Variants in ATP5PD observed in about 807,000 individuals in gnomAD.
ATP5PD encodes ATP synthase peripheral stalk subunit d, mitochondrial.
In ATP5PD, 13 loss-of-function variants were observed where a neutral mutation model predicts 22.6. That is an observed-to-expected ratio of 0.58 (90% CI 0.37 to 0.91). The LOEUF (loss-of-function observed/expected upper bound fraction) is 0.91, where lower values mean the gene tolerates loss of function less well. Among genes scored for constraint, ATP5PD ranks in the 40% least tolerant of loss-of-function variants. The pLI is 0.00. For missense variants in ATP5PD, 165 were observed against 188.0 expected, an observed-to-expected ratio of 0.88 and a Z score of 0.72; for synonymous variants, 51 against 65.0, an observed-to-expected ratio of 0.79 and a Z score of 1.03.
chr17:75,044,429 T>A (rs1487978026), intron 1 of ATP5PD, among the ~76,000 whole-genome samples: 2 of 112,426 alleles, frequency 1.8e-5, no homozygotes. Flanking sequence ...ATGGTCTCGA[T>A]CTCCTGACCT....
intron 4 of ATP5PD, chr17:75,039,879 G>C: frequency 1.7e-6 from 1 of 583,968 alleles, no homozygotes; most frequent in Non-Finnish European, 3.0e-6. Context: ...TACAAAGATG[G>C]AATCATATGC....
intron 3 of ATP5PD, 119 bp downstream of exon 3, chr17:75,042,062 A>T: frequency 1.2e-6 from 1 of 858,468 alleles, no homozygotes; most frequent in South Asian, 1.8e-5. Flanking sequence ...GGCCATACGC[A>T]TCCTTCCTAA....
intron 1 of ATP5PD, among the ~76,000 whole-genome samples, chr17:75,043,223 A>G (rs2073178853): frequency 6.6e-6 from 1 of 152,236 alleles, no homozygotes; most frequent in African/African-American, 2.4e-5. Flanking sequence ...TCCGTCTCAA[A>G]AAGAAAAGGA....
intron 1 of ATP5PD, among the ~76,000 whole-genome samples, chr17:75,043,415 C>T (rs1438039851): frequency 6.6e-6 from 1 of 152,106 alleles, no homozygotes; most frequent in African/African-American, 2.4e-5. Context: ...AGTTCAAGAC[C>T]AGCCTGAGCA....
At chr17:75,043,756 A>G (rs1451231310) in intron 1 of ATP5PD, among the ~76,000 whole-genome samples, 4 of 152,220 alleles carry the variant, frequency 2.6e-5, no homozygotes, top group African/African-American at 9.6e-5. Flanking sequence ...ATTCTCCAGT[A>G]GACAGAAACT....
intron 5 of ATP5PD, 42 bp downstream of exon 5, chr17:75,039,167 A>C (rs763518477): frequency 3.7e-6 from 6 of 1,612,972 alleles, no homozygotes; most frequent in Non-Finnish European, 4.2e-6. Flanking sequence ...GTCATGAAAG[A>C]GAGAACCCAT....
In ATP5PD at chr17:75,042,510, C is replaced by A. The variant is rs745666457; in HGVS notation, c.122+19G>T. 1 of 1,600,342 alleles carries A rather than the reference C, an allele frequency of 6.2e-7. No individual in the cohort carries two copies. The highest frequency in any genetic ancestry group is 8.5e-7 in the Non-Finnish European group (1 of 1,176,808). ...GATTCAGTGGCAAGTATGGGGTTCC[C>A]TCTCAGAAACATACTGACCTGGAGG... On this transcript the variant is annotated intron_variant, in intron 2 of 5. Transcript: ENST00000301587.
chr17:75,039,406 G>T, intron 4 of ATP5PD, 135 bp from the exon 5 acceptor site: 1 of 735,308 alleles, frequency 1.4e-6, no homozygotes, highest in South Asian at 1.7e-5. Context: ...CCTGAGTGGG[G>T]GCGCTCACTC....
At position 75,044,638 on chromosome 17, in the gene ATP5PD, G is replaced by A. The variant is rs115201385; in HGVS notation, c.-9-1979C>T. Among the ~76,000 whole-genome samples the A allele has an allele frequency of 8.7e-3, 1,323 of 152,230 alleles. 16 individuals carry two copies. Among genetic ancestry groups the A allele is most frequent in the African/African-American group, 0.029 (1,196 of 41,504 alleles). On this transcript the variant is annotated intron_variant, in intron 1 of 5. Transcript: ENST00000301587. ...ATTACAGGCATGAGCCACCGCGCCCGGCCTGCATTTTAAGAGGTATTCAAC... is the reference window on the plus strand; with the variant it reads ...ATTACAGGCATGAGCCACCGCGCCCAGCCTGCATTTTAAGAGGTATTCAAC...
intron 3 of ATP5PD, chr17:75,041,443 C>G (rs111793371): frequency 0.08 from 10,251 of 127,538 alleles, 732 homozygotes; most frequent in African/African-American, 0.23. Flanking sequence ...AAACCTGTCT[C>G]TACCAAAAAA....
At position 75,039,032 on chromosome 17, in the gene ATP5PD, T is replaced by G. The variant is rs762606856; in HGVS notation, c.386A>C (p.Asp129Ala). The change falls in exon 6 of 6, where the codon GAT becomes GCT. Residue 129 changes from aspartate (D) to alanine (A), a missense_variant. By Grantham distance (126) the Asp-to-Ala change is moderately radical. Coordinates refer to ENST00000301587, the MANE Select transcript of ATP5PD (RefSeq NM_006356.3). ...ATTCAAGTCCTCAATGGTCATCTGA[T>G]CAAATGGAATTAAGTTCTTCATCTT... ...MEKMKNLIPF[D>A]QMTIEDLNEA... 3 of 1,614,148 alleles carry G rather than the reference T, an allele frequency of 1.9e-6. No individual in the cohort carries two copies. Among genetic ancestry groups the G allele is most frequent in the East Asian group, 4.5e-5 (2 of 44,894 alleles).
At chr17:75,041,516 A>C (rs1463306444) in intron 3 of ATP5PD, 1 of 151,350 alleles carries the variant, frequency 6.6e-6, no homozygotes, top group Non-Finnish European at 1.5e-5. Flanking sequence ...AGTCCCAGCT[A>C]CTCAGGAGGC....
chr17:75,042,784 T>C, intron 1 of ATP5PD, 125 bp from the exon 2 acceptor site: 1 of 1,013,642 alleles, frequency 9.9e-7, no homozygotes, highest in East Asian at 2.5e-5. Context: ...CATGCAAGTC[T>C]TCACAAGAAT....
chr17:75,045,454 G>C (rs1598692360), intron 1 of ATP5PD, among the ~76,000 whole-genome samples: 1 of 152,192 alleles, frequency 6.6e-6, no homozygotes, highest in Non-Finnish European at 1.5e-5. Context: ...TGGGAGACTG[G>C]AGTTTATTTC....
chr17:75,045,035 C>T (rs146343520), intron 1 of ATP5PD, among the ~76,000 whole-genome samples: 2,032 of 152,218 alleles, frequency 0.013, 19 homozygotes, highest in Non-Finnish European at 0.022. Flanking sequence ...CACATAGGTT[C>T]TTTTCTATTT....
chr17:75,039,625 T>C (rs1014102544), intron 4 of ATP5PD: 10 of 301,910 alleles, frequency 3.3e-5, no homozygotes, highest in Non-Finnish European at 5.5e-5. Flanking sequence ...CTGAGTTCCA[T>C]AGTTGGCCTT....
At chr17:75,040,468 A>G in intron 3 of ATP5PD, 1 of 392,094 alleles carries the variant, frequency 2.6e-6, no homozygotes, top group Non-Finnish European at 4.6e-6. Flanking sequence ...GCTGGACTTG[A>G]TGACCAAAAA....
Position 75,039,074 on chromosome 17 carries a change from G to A in ATP5PD, c.355-11C>T, listed in dbSNP as rs1567986522. 1 of 1,613,810 alleles carries A rather than the reference G, an allele frequency of 6.2e-7. No individual in the cohort carries two copies. The highest frequency in any genetic ancestry group is 8.5e-7 in the Non-Finnish European group (1 of 1,179,920). The stretch of plus-strand genomic sequence containing the variant: ...CTTCATCTTCTCCATCTGGAAAGAG[G>A]GGGAATGTGTTTAGTTAATGTAAAC... On this transcript the variant is annotated splice_polypyrimidine_tract_variant and intron_variant, in intron 5 of 5. Coordinates refer to ENST00000301587, the MANE Select transcript of ATP5PD (RefSeq NM_006356.3).
At chr17:75,042,712 T>C (rs1349281509) in intron 1 of ATP5PD, 53 bp from the exon 2 acceptor site, 2 of 1,527,838 alleles carry the variant, frequency 1.3e-6, no homozygotes, top group South Asian at 1.2e-5. Flanking sequence ...GAATTTTCAG[T>C]TGGGAAAAAT....
Sources: allele counts gnomAD v4.1 joint callset (sites outside exome capture counted in the v4.1 genomes callset), GRCh38; gene constraint gnomAD v4.1.1; transcripts MANE v1.5; gene names NCBI Gene and HGNC (gene_info 2026-07-23, HGNC 2026-07-21).